Variants in CIMIP6 observed in about 807,000 individuals in gnomAD.
CIMIP6 encodes the protein ciliary microtubule inner protein 6.
the CIMIP6 span, among the ~76,000 whole-genome samples, chr2:54,331,179 G>C: frequency 6.6e-6 from 1 of 152,198 alleles, no homozygotes; most frequent in Non-Finnish European, 1.5e-5. Flanking sequence ...CGTTTACTGA[G>C]CACATACTGT....
the CIMIP6 span, among the ~76,000 whole-genome samples, chr2:54,346,889 C>T: frequency 1.3e-5 from 2 of 152,190 alleles, no homozygotes; most frequent in Non-Finnish European, 2.9e-5. Flanking sequence ...GAATAAATTT[C>T]AAATTCCTCA....
the CIMIP6 span, among the ~76,000 whole-genome samples, chr2:54,354,664 G>T: frequency 6.6e-6 from 1 of 151,682 alleles, no homozygotes; most frequent in Admixed American, 6.6e-5. Context: ...CTTGATTTTT[G>T]ATTTTTATAC....
At chr2:54,379,156 T>C in the CIMIP6 span, among the ~76,000 whole-genome samples, 1 of 152,218 alleles carries the variant, frequency 6.6e-6, no homozygotes, top group African/African-American at 2.4e-5. Context: ...ACAAGGAAAT[T>C]ACACTGATTC....
At chr2:54,336,189 C>G in the CIMIP6 span, among the ~76,000 whole-genome samples, 1 of 152,136 alleles carries the variant, frequency 6.6e-6, no homozygotes, top group African/African-American at 2.4e-5. Flanking sequence ...AAGGTGTAGT[C>G]ATGTTACTCC....
At chr2:54,333,072 A>G in the CIMIP6 span, among the ~76,000 whole-genome samples, 4 of 152,182 alleles carry the variant, frequency 2.6e-5, no homozygotes, top group Non-Finnish European at 5.9e-5. Flanking sequence ...AAATATGTAA[A>G]TGTTATAATG....
chr2:54,375,885 GGT>G, the CIMIP6 span, among the ~76,000 whole-genome samples: 16 of 150,038 alleles, frequency 1.1e-4, no homozygotes, highest in Non-Finnish European at 1.9e-4. Flanking sequence ...TCATATAGGG[GGT>G]GTGTGTGTGT....
At chr2:54,360,568 C>A in the CIMIP6 span, 1 of 1,472,264 alleles carries the variant, frequency 6.8e-7, no homozygotes, top group Non-Finnish European at 9.0e-7. Context: ...AATAAATTAC[C>A]TTCTTCAGAT....
chr2:54,375,333 G>C, the CIMIP6 span, among the ~76,000 whole-genome samples: 1 of 152,076 alleles, frequency 6.6e-6, no homozygotes, highest in African/African-American at 2.4e-5. Flanking sequence ...AGTTAATAAG[G>C]AAAATAGCAA....
the CIMIP6 span, among the ~76,000 whole-genome samples, chr2:54,342,089 C>G: frequency 6.6e-6 from 1 of 152,142 alleles, no homozygotes; most frequent in African/African-American, 2.4e-5. Flanking sequence ...AGAAATTACC[C>G]CAGTTACAAT....
chr2:54,358,909 C>A, the CIMIP6 span: 2 of 851,166 alleles, frequency 2.3e-6, no homozygotes, highest in South Asian at 1.8e-5. Context: ...ATTATATGTC[C>A]ATAAACAAAT....
chr2:54,350,352 C>T, the CIMIP6 span, among the ~76,000 whole-genome samples: 87 of 152,320 alleles, frequency 5.7e-4, 1 homozygote, highest in Non-Finnish European at 8.4e-4. Context: ...TGGCTGAGTT[C>T]AGCTGGGTAG....
At chr2:54,363,713 A>G in the CIMIP6 span, among the ~76,000 whole-genome samples, 1 of 152,114 alleles carries the variant, frequency 6.6e-6, no homozygotes, top group South Asian at 2.1e-4. Flanking sequence ...TTCATTATCT[A>G]TATTTATCTA....
At chr2:54,346,089 GCAC>G in the CIMIP6 span, among the ~76,000 whole-genome samples, 1 of 143,142 alleles carries the variant, frequency 7.0e-6, no homozygotes, top group Non-Finnish European at 1.6e-5. Context: ...TGAAGTCCTG[GCAC>G]AACATTTGAC....
chr2:54,362,071 C>T, the CIMIP6 span, among the ~76,000 whole-genome samples: 11 of 152,128 alleles, frequency 7.2e-5, no homozygotes, highest in African/African-American at 2.4e-4. Context: ...TACCATGCTC[C>T]AGTTAGGAAT....
the CIMIP6 span, among the ~76,000 whole-genome samples, chr2:54,346,743 C>A: frequency 6.6e-6 from 1 of 152,196 alleles, no homozygotes; most frequent in East Asian, 1.9e-4. Flanking sequence ...GTAACCAGTG[C>A]AGTACAGCTG....
the CIMIP6 span, among the ~76,000 whole-genome samples, chr2:54,333,985 G>A: frequency 6.6e-6 from 1 of 152,192 alleles, no homozygotes; most frequent in East Asian, 1.9e-4. Flanking sequence ...CTGTGTATAA[G>A]ATTAAACGGT....
At chr2:54,344,023 G>A in the CIMIP6 span, 44 of 679,512 alleles carry the variant, frequency 6.5e-5, no homozygotes, top group Non-Finnish European at 9.3e-5. Flanking sequence ...CCCTTGGGAA[G>A]TTTGTTATTT....
At chr2:54,342,423 A>C in the CIMIP6 span, among the ~76,000 whole-genome samples, 1 of 152,190 alleles carries the variant, frequency 6.6e-6, no homozygotes, top group Non-Finnish European at 1.5e-5. Context: ...TGCCTTTGAC[A>C]ATTGTATAAA....
the CIMIP6 span, among the ~76,000 whole-genome samples, chr2:54,348,635 GA>G: frequency 6.6e-6 from 1 of 152,084 alleles, no homozygotes; most frequent in African/African-American, 2.4e-5. Context: ...AGATGAAAGT[GA>G]TTTTTAAAAA....
Sources: gnomAD v4.1 joint callset for allele counts (sites outside exome capture counted in the v4.1 genomes callset) on GRCh38, gnomAD v4.1.1 for gene constraint, MANE v1.5 for transcripts, NCBI Gene and HGNC (gene_info 2026-07-23, HGNC 2026-07-21) for gene names.